Variants in LDB2 observed in about 807,000 individuals in gnomAD.
LDB2 encodes the protein LIM domain-binding protein 2.
Under a neutral mutation model 44.3 loss-of-function variants are expected in LDB2, and 12 were observed. The observed-to-expected ratio is 0.27, with a 90% CI of 0.17 to 0.44. The LOEUF (loss-of-function observed/expected upper bound fraction) is 0.44, where lower values mean the gene tolerates loss of function less well. Ranked by LOEUF, LDB2 falls within the 20% of genes least tolerant of loss-of-function variation. The pLI, the probability that LDB2 is intolerant of heterozygous loss-of-function variation, is 1.00. For synonymous variants in LDB2, 164 were observed against 174.8 expected (o/e 0.94, Z 0.49); for missense variants, 344 against 473.5 (o/e 0.73, Z 2.54).
At chr4:16,821,746 C>CAAAAATAAAAAAAAAAAAAAAAA (rs1782081220) in intron 1 of LDB2, among the ~76,000 whole-genome samples, 1 of 61,752 alleles carries the variant, frequency 1.6e-5, no homozygotes, top group African/African-American at 6.3e-5. Context: ...AACATTAAAG[C>CAAAAATAAAAAAAAAAAAAAAAA]AAAAAAAAAA....
rs141728421 is a variant in LDB2, at chr4:16,838,657, A to C, written c.132+59697T>G. ...AGAAGTGTCTTGCTTTGGAGCTCCC[A>C]ACACACACTGAGGTCACCAAACTTG... On this transcript the variant is annotated intron_variant, in intron 1 of 7. Transcript: ENST00000304523. Among the ~76,000 whole-genome samples, 598 of 152,298 alleles carry C rather than the reference A, an allele frequency of 3.9e-3. 4 individuals are homozygous for C. The highest frequency in any genetic ancestry group is 0.014 in the African/African-American group (564 of 41,578).
At chr4:16,758,964 A>T (rs1337394547) in intron 2 of LDB2, among the ~76,000 whole-genome samples, 194 bp downstream of exon 2, 4 of 152,102 alleles carry the variant, frequency 2.6e-5, no homozygotes, top group Admixed American at 2.6e-4. Context: ...AAACATTCTA[A>T]GCCTCGAAGG....
chr4:16,674,255 G>A, intron 2 of LDB2: 1 of 1,289,062 alleles, frequency 7.8e-7, no homozygotes, highest in East Asian at 5.5e-5. Context: ...ATCCATCACA[G>A]GCATCTGGTT....
At chr4:16,557,681 A>C (rs1286001129) in intron 5 of LDB2, among the ~76,000 whole-genome samples, 1 of 152,190 alleles carries the variant, frequency 6.6e-6, no homozygotes, top group African/African-American at 2.4e-5. Context: ...GCAGACTTAA[A>C]TGTCCCTGTC....
rs1435967475 is a variant in LDB2, at chr4:16,716,378, G to A, written c.235+42780C>T. On this transcript the variant is annotated intron_variant, in intron 2 of 7. Transcript: ENST00000304523. ...TAATACATAGAATATTTGGGATGAA[G>A]TGGAGAATTTGTTTAGGGAACTGTG... Among the ~76,000 whole-genome samples the A allele has an allele frequency of 2.0e-5, 3 of 152,224 alleles. No individual in the cohort carries two copies. The East Asian group carries it at 5.8e-4, about 29-fold the overall frequency.
At chr4:16,621,193 G>T (rs751192409) in intron 2 of LDB2, among the ~76,000 whole-genome samples, 3 of 152,152 alleles carry the variant, frequency 2.0e-5, no homozygotes, top group Non-Finnish European at 4.4e-5. Flanking sequence ...TGAGGTCATG[G>T]CAACTGATTC....
intron 1 of LDB2, among the ~76,000 whole-genome samples, chr4:16,873,372 C>G (rs369431683): frequency 4.6e-5 from 7 of 152,138 alleles, no homozygotes; most frequent in Admixed American, 3.3e-4. Flanking sequence ...ATGGAGTGGG[C>G]TGCCTATCAC....
At chr4:16,517,306 AC>A (rs1724125214) in intron 5 of LDB2, among the ~76,000 whole-genome samples, 1 of 151,882 alleles carries the variant, frequency 6.6e-6, no homozygotes, top group Non-Finnish European at 1.5e-5. Flanking sequence ...GAGCCAGGTT[AC>A]AAGATATATG....
At chr4:16,868,291 C>A (rs923344595) in intron 1 of LDB2, among the ~76,000 whole-genome samples, 26 of 152,150 alleles carry the variant, frequency 1.7e-4, no homozygotes, top group African/African-American at 6.0e-4. Context: ...CCTGATAGGA[C>A]AAAGGTATTA....
intron 5 of LDB2, among the ~76,000 whole-genome samples, chr4:16,549,404 A>G (rs1639160502): frequency 1.3e-5 from 2 of 152,316 alleles, no homozygotes; most frequent in Middle Eastern, 3.4e-3. Flanking sequence ...AAGAGACTCA[A>G]TCTCTCCTTT....
At chr4:16,688,572 C>A (rs1050948131) in intron 2 of LDB2, among the ~76,000 whole-genome samples, 23 of 152,186 alleles carry the variant, frequency 1.5e-4, no homozygotes, top group African/African-American at 5.5e-4. Flanking sequence ...AATATGGGAT[C>A]TGATAATAAT....
rs925594535 is a variant in LDB2 at position 16,787,475 on chromosome 4, G to A, written c.133-28215C>T. Among the ~76,000 whole-genome samples the A allele has an allele frequency of 4.6e-5, 7 of 152,182 alleles. No homozygotes were observed. The South Asian group carries it at 6.2e-4, about 14-fold the overall frequency. On this transcript the variant is annotated intron_variant, in intron 1 of 7. Transcript: ENST00000304523. ...TAAAAATACAAAAAATTCGCCAGGCGTGGTGGCATGCGCCTGTAATCCCAG... is the reference window on the plus strand; with the variant it reads ...TAAAAATACAAAAAATTCGCCAGGCATGGTGGCATGCGCCTGTAATCCCAG...
intron 1 of LDB2, among the ~76,000 whole-genome samples, chr4:16,832,765 T>G (rs1160685401): frequency 6.6e-6 from 1 of 152,222 alleles, no homozygotes; most frequent in East Asian, 1.9e-4. Flanking sequence ...TTAAGGGACC[T>G]CTGTAAGTAC....
chr4:16,841,415 C>A (rs191699944), intron 1 of LDB2, among the ~76,000 whole-genome samples: 69 of 152,290 alleles, frequency 4.5e-4, no homozygotes, highest in African/African-American at 1.6e-3. Context: ...CAACATTTCC[C>A]ACCTGGTAAA....
chr4:16,855,469 C>T (rs1480023711), intron 1 of LDB2, among the ~76,000 whole-genome samples: 1 of 152,052 alleles, frequency 6.6e-6, no homozygotes, highest in Non-Finnish European at 1.5e-5. Flanking sequence ...ATGATTGTTG[C>T]AAGCTCAACT....
At chr4:16,506,879 G>A (rs1407908700) in intron 7 of LDB2, 3 of 152,140 alleles carry the variant, frequency 2.0e-5, no homozygotes, top group South Asian at 2.1e-4. Flanking sequence ...CTATATCACC[G>A]TTTCAGAATC....
At chr4:16,785,628 A>C (rs1358632110) in intron 1 of LDB2, among the ~76,000 whole-genome samples, 1 of 152,170 alleles carries the variant, frequency 6.6e-6, no homozygotes, top group Admixed American at 6.5e-5. Context: ...CAAGCATGAG[A>C]AGTGGTTCCT....
At position 16,771,640 on chromosome 4, in the gene LDB2, A is replaced by G. The variant is rs896922900; in HGVS notation, c.133-12380T>C. On this transcript the variant is annotated intron_variant, in intron 1 of 7. Transcript: ENST00000304523. ...CACTTAGGCCAGCATTTGAGAACAT[A>G]CTCTTGATTCCTGTCTTACCCTAAC... Among the ~76,000 whole-genome samples the G allele has an allele frequency of 7.2e-5, 11 of 152,096 alleles. No homozygotes were observed. The South Asian group carries it at 8.3e-4, about 11-fold the overall frequency.
At chr4:16,844,903 T>G (rs945505655) in intron 1 of LDB2, among the ~76,000 whole-genome samples, 1 of 152,228 alleles carries the variant, frequency 6.6e-6, no homozygotes, top group Non-Finnish European at 1.5e-5. Context: ...GATTGTGGTC[T>G]GTGGTTAAAA....
Sources: allele counts gnomAD v4.1 joint callset (sites outside exome capture counted in the v4.1 genomes callset), GRCh38; gene constraint gnomAD v4.1.1; transcripts MANE v1.5; gene names NCBI Gene and HGNC (gene_info 2026-07-23, HGNC 2026-07-21).